The following DGKH variants were observed in gnomAD, a reference collection of about 807,000 sequenced individuals.
DGKH encodes DAG kinase eta.
In DGKH, 90 loss-of-function variants were observed where a neutral mutation model predicts 159.3. The observed-to-expected ratio is 0.57, with a 90% CI of 0.48 to 0.67. DGKH has a LOEUF of 0.67. Among genes scored for constraint, DGKH ranks in the 30% least tolerant of loss-of-function variants. DGKH has a pLI of 0.00. For synonymous variants in DGKH, 536 were observed against 553.8 expected (o/e 0.97, Z 0.45); for missense variants, 1,181 against 1,506.1 (o/e 0.78, Z 3.57).
At chr13:42,153,868 T>C (rs1033389949) in intron 3 of DGKH, 8 of 152,248 alleles carry the variant, frequency 5.3e-5, no homozygotes, top group African/African-American at 1.7e-4. Context: ...CAGAGCTGAC[T>C]GATTGGTGCT....
At chr13:42,199,711 A>G (rs372535568) in intron 19 of DGKH, 35 bp downstream of exon 19, 65 of 1,561,204 alleles carry the variant, frequency 4.2e-5, no homozygotes, top group Non-Finnish European at 5.6e-5. Context: ...CTATTACATA[A>G]AGGCAATTTT....
At chr13:42,170,916 C>A (rs1169089227) in intron 11 of DGKH, among the ~76,000 whole-genome samples, 1 of 148,236 alleles carries the variant, frequency 6.7e-6, no homozygotes, top group African/African-American at 2.5e-5. Flanking sequence ...GCACTGAAGC[C>A]TGGCCAACAG....
intron 1 of DGKH, among the ~76,000 whole-genome samples, chr13:42,111,976 C>T (rs1311566808): frequency 1.3e-5 from 2 of 152,188 alleles, no homozygotes; most frequent in African/African-American, 2.4e-5. Flanking sequence ...GAAGAGCGAG[C>T]GCTTCACTGG....
chr13:42,055,568 T>A (rs1881696154), intron 1 of DGKH, among the ~76,000 whole-genome samples: 1 of 152,234 alleles, frequency 6.6e-6, no homozygotes, highest in Admixed American at 6.5e-5. Context: ...TGTTTGCTGT[T>A]GTGGTAAAGA....
At chr13:42,068,919 T>G in intron 1 of DGKH, 1 of 1,270,146 alleles carries the variant, frequency 7.9e-7, no homozygotes, top group Non-Finnish European at 1.1e-6. Flanking sequence ...AAGATAAATG[T>G]CTGCTGAGTG....
At chr13:42,088,066 TAGC>T (rs1445693222) in intron 1 of DGKH, among the ~76,000 whole-genome samples, 2 of 152,078 alleles carry the variant, frequency 1.3e-5, no homozygotes, top group African/African-American at 4.8e-5. Flanking sequence ...TAAAAATTAA[TAGC>T]AGATTTCTCA....
chr13:42,138,823 T>C (rs539519012), intron 3 of DGKH, among the ~76,000 whole-genome samples: 66 of 152,318 alleles, frequency 4.3e-4, no homozygotes, highest in African/African-American at 1.5e-3. Context: ...TTTATATTAG[T>C]TAAAATATTT....
At chr13:42,244,765 GT>G (rs1958564500), downstream of DGKH, among the ~76,000 whole-genome samples, 1 of 150,632 alleles carries the variant, frequency 6.6e-6, no homozygotes, top group South Asian at 2.1e-4. Flanking sequence ...TTAGCCGGGC[GT>G]AGTGGCGGGC....
chr13:42,100,894 G>C (rs1193460179), intron 1 of DGKH, among the ~76,000 whole-genome samples: 1 of 152,138 alleles, frequency 6.6e-6, no homozygotes, highest in African/African-American at 2.4e-5. Flanking sequence ...ACTCTGTGGT[G>C]GGGGCAAGTA....
intron 27 of DGKH, 25 bp downstream of exon 27, chr13:42,219,374 C>A (rs1003458818): frequency 6.2e-7 from 1 of 1,611,570 alleles, no homozygotes; most frequent in South Asian, 1.1e-5. Context: ...GCCTGTTTCT[C>A]TAGAAATGTA....
chr13:42,218,337 C>T (rs891649121), intron 26 of DGKH, among the ~76,000 whole-genome samples: 1 of 152,050 alleles, frequency 6.6e-6, no homozygotes, highest in Non-Finnish European at 1.5e-5. Context: ...GAGCTTTTTG[C>T]TTTGCCCTAA....
intron 25 of DGKH, among the ~76,000 whole-genome samples, chr13:42,215,201 T>C (rs1009493748): frequency 1.3e-5 from 2 of 152,068 alleles, no homozygotes; most frequent in African/African-American, 4.8e-5. Context: ...TAAATTAATA[T>C]ACAGTTAAGT....
intron 1 of DGKH, among the ~76,000 whole-genome samples, chr13:42,101,515 T>A (rs981172028): frequency 2.0e-5 from 3 of 152,236 alleles, no homozygotes; most frequent in African/African-American, 7.2e-5. Flanking sequence ...GGCTACGCTA[T>A]CAGACAGTGC....
At chr13:42,205,930 C>T (rs1002012497) in intron 20 of DGKH, 109 bp from the exon 21 acceptor site, 1 of 521,630 alleles carries the variant, frequency 1.9e-6, no homozygotes, top group Admixed American at 4.1e-5. Context: ...ACATTACGAA[C>T]ACACTGTGCT....
At chr13:42,190,695 T>A (rs1834222061) in intron 16 of DGKH, among the ~76,000 whole-genome samples, 170 bp downstream of exon 16, 1 of 152,198 alleles carries the variant, frequency 6.6e-6, no homozygotes, top group Non-Finnish European at 1.5e-5. Context: ...ACAATAAAGA[T>A]AACACCTAGA....
At chr13:42,167,968 A>C (rs1439557314) in intron 9 of DGKH, among the ~76,000 whole-genome samples, 2 of 152,154 alleles carry the variant, frequency 1.3e-5, no homozygotes, top group Non-Finnish European at 1.5e-5. Context: ...TGAGAATAGG[A>C]GAAGAGGAGG....
At chr13:42,155,898 A>G (rs1162790003) in intron 5 of DGKH, 99 bp downstream of exon 5, 3 of 1,396,926 alleles carry the variant, frequency 2.1e-6, no homozygotes, top group African/African-American at 2.9e-5. Flanking sequence ...CTCTCCACAC[A>G]TAGGACTAGC....
intron 1 of DGKH, among the ~76,000 whole-genome samples, chr13:42,073,969 A>G (rs1883142194): frequency 6.6e-6 from 1 of 152,214 alleles, no homozygotes; most frequent in Non-Finnish European, 1.5e-5. Flanking sequence ...TGAAGCGTCC[A>G]CTGAATTCAT....
At position 42,159,242 on chromosome 13, in the gene DGKH, C is replaced by CTGTTTTTTTTTTTTT; in HGVS notation, c.623-23_623-22insGTTTTTTTTTTTTTT. 3 of 159,042 alleles carry CTGTTTTTTTTTTTTT rather than the reference C, an allele frequency of 1.9e-5. 1 individual carries two copies. Among genetic ancestry groups the CTGTTTTTTTTTTTTT allele is most frequent in the South Asian group, 1.2e-4 (2 of 16,228 alleles). 9.9% of individuals were successfully genotyped at this position (159,042 alleles called of 1,614,324 possible). ...TTTCTTGTCCACTTAAAAGCAGTTGCTCTTTTTTTTTTTTTTTTTTTAGTG... is the reference window on the plus strand; with the variant it reads ...TTTCTTGTCCACTTAAAAGCAGTTGCTGTTTTTTTTTTTTTTCTTTTTTTTTTTTTTTTTTTAGTG... On this transcript the variant is annotated intron_variant, in intron 5 of 29. Coordinates refer to ENST00000337343, the MANE Select transcript of DGKH (RefSeq NM_178009.5).
Sources: gnomAD v4.1 joint callset for allele counts (sites outside exome capture counted in the v4.1 genomes callset) on GRCh38, gnomAD v4.1.1 for gene constraint, MANE v1.5 for transcripts, NCBI Gene and HGNC (gene_info 2026-07-23, HGNC 2026-07-21) for gene names.